FITM2: variants seen among roughly 807,000 people sequenced by gnomAD.
The protein encoded by FITM2 is acyl-coenzyme A diphosphatase FITM2.
In FITM2, 16 loss-of-function variants were observed where a neutral mutation model predicts 23.3. That is an observed-to-expected ratio of 0.69 (90% CI 0.47 to 1.05). The LOEUF (loss-of-function observed/expected upper bound fraction) is 1.05, where lower values mean the gene tolerates loss of function less well. Among genes scored for constraint, FITM2 ranks in the 50% least tolerant of loss-of-function variants. The pLI, the probability that FITM2 is intolerant of heterozygous loss-of-function variation, is 0.00. For missense variants in FITM2, 273 were observed against 327.5 expected, an observed-to-expected ratio of 0.83 and a Z score of 1.29; for synonymous variants, 132 against 142.0, an observed-to-expected ratio of 0.93 and a Z score of 0.50.
chr20:44,306,469 CTA>C lies in FITM2; in HGVS notation c.*154_*155del. ...GATGTCGCCAAGAATAGTCTGAAGA[CTA>C]AACTCACTCCCCAGACTTCAGCACC... On this transcript the variant is annotated 3_prime_UTR_variant, in exon 2 of 2. Coordinates refer to ENST00000396825, the MANE Select transcript of FITM2 (RefSeq NM_001080472.4). 1.0e-6 allele frequency: 1 copy of C among 965,266 alleles called. No individual in the cohort carries two copies. The highest frequency in any genetic ancestry group is 1.5e-6 in the Non-Finnish European group (1 of 670,950). The allele number at this position is 965,266 out of a possible 1,614,324, so 59.8% of individuals were successfully genotyped here.
Position 44,306,495 on chromosome 20 carries a change from C to A in FITM2, c.*130G>T. 1 of 1,299,888 alleles carries A rather than the reference C, an allele frequency of 7.7e-7. No individual in the cohort carries two copies. Among genetic ancestry groups the A allele is most frequent in the Non-Finnish European group, 1.0e-6 (1 of 957,864 alleles). 80.5% of individuals were successfully genotyped at this position (1,299,888 alleles called of 1,614,324 possible). ...TAAACTCACTCCCCAGACTTCAGCA[C>A]CACCCACCAAAACTGCCTGGTACAC... On this transcript the variant is annotated 3_prime_UTR_variant, in exon 2 of 2. Transcript: ENST00000396825.
At position 44,306,810 on chromosome 20, in the gene FITM2, AG is replaced by A. The variant is rs750110262; in HGVS notation, c.603del (p.Trp202GlyfsTer3). On this transcript the variant is annotated frameshift_variant, in exon 2 of 2. Coordinates refer to ENST00000396825, the MANE Select transcript of FITM2 (RefSeq NM_001080472.4). LOFTEE classifies it high-confidence loss of function. ...LVVALGILTF[I>X]WVLMFLCTAV... is the part of the protein sequence containing the mutation. ...GCTGTGCACAGAAACATCAACACCC[AG>A]ATGAAAGTCAGAATGCCCAGGGCCA... The A allele has an allele frequency of 6.2e-7, 1 of 1,614,194 alleles. No individual in the cohort carries two copies. Among genetic ancestry groups the A allele is most frequent in the East Asian group, 2.2e-5 (1 of 44,882 alleles).
chr20:44,308,773 C>A (rs912271860), intron 1 of FITM2, among the ~76,000 whole-genome samples: 4 of 151,928 alleles, frequency 2.6e-5, no homozygotes, highest in Admixed American at 6.6e-5. Context: ...GAACTCCAGG[C>A]CTCAAGCAAT....
In FITM2 at chr20:44,304,776, C is replaced by T. The variant is rs1345040076; in HGVS notation, c.*1849G>A. 1 of 152,258 alleles carries T rather than the reference C, an allele frequency of 6.6e-6. No homozygotes were observed. The allele number at this position is 152,258 out of a possible 1,614,324, so 9.4% of individuals were successfully genotyped here. A position where few individuals can be genotyped will look rare whatever the true frequency, so the allele number is the denominator to read the frequency against. ...CCTGAAGCACACTGTTCAGTCTATA[C>T]CACTGATATGTGGTCAGGGACATTT... is the stretch of plus-strand genomic sequence containing the variant. On this transcript the variant is annotated 3_prime_UTR_variant, in exon 2 of 2. Coordinates refer to ENST00000396825, the MANE Select transcript of FITM2 (RefSeq NM_001080472.4).
chr20:44,311,015 G>A lies in FITM2; in HGVS notation c.134C>T (p.Pro45Leu). The A allele has an allele frequency of 6.4e-7, 1 of 1,574,358 alleles. No homozygotes were observed. ...GSLLKELSPL[P>L]ESYLSNKRNV... ...GCGCTTGTTGCTGAGGTAGCTCTCG[G>A]GCAACGGGGACAACTCCTTGAGGAG... The change falls in exon 1 of 2, where the codon CCC becomes CTC. Residue 45 changes from proline to leucine, a missense_variant. Transcript: ENST00000396825.
chr20:44,307,689 G>A (rs1289402572), intron 1 of FITM2, among the ~76,000 whole-genome samples: 1 of 151,870 alleles, frequency 6.6e-6, no homozygotes, highest in Non-Finnish European at 1.5e-5. Context: ...GCCTCCCAAA[G>A]TCCTGGGATT....
chr20:44,304,049 A>G lies in FITM2; in HGVS notation c.*2576T>C, dbSNP rs2062683655. On this transcript the variant is annotated 3_prime_UTR_variant, in exon 2 of 2. Transcript: ENST00000396825. Reference sequence around the variant, plus strand: ...CCAAAGCACCATGGTGCCACCTCCCATATCTCATCACCTGTGTTTCTGCTC... The same window carrying G: ...CCAAAGCACCATGGTGCCACCTCCCGTATCTCATCACCTGTGTTTCTGCTC... 1 of 152,142 alleles carries G rather than the reference A, an allele frequency of 6.6e-6. No homozygotes were observed. The highest frequency in any genetic ancestry group is 1.5e-5 in the Non-Finnish European group (1 of 68,026). 9.4% of individuals were successfully genotyped at this position (152,142 alleles called of 1,614,324 possible).
At position 44,304,403 on chromosome 20, in the gene FITM2, T is replaced by C. The variant is rs6103704; in HGVS notation, c.*2222A>G. The C allele has an allele frequency of 7.9e-5, 12 of 152,016 alleles. No homozygotes were observed. Among genetic ancestry groups the C allele is most frequent in the Non-Finnish European group, 8.8e-5 (6 of 68,008 alleles). 9.4% of individuals were successfully genotyped at this position (152,016 alleles called of 1,614,324 possible). A position where few individuals can be genotyped will look rare whatever the true frequency, so the allele number is the denominator to read the frequency against. ...GGGCGTGGAACTGTGCCTTTGTGGA[T>C]GGAGGTGACAGGATTTCTAACCCTT... On this transcript the variant is annotated 3_prime_UTR_variant, in exon 2 of 2. Coordinates refer to ENST00000396825, the MANE Select transcript of FITM2 (RefSeq NM_001080472.4).
intron 1 of FITM2, among the ~76,000 whole-genome samples, chr20:44,308,640 A>G (rs960691208): frequency 6.6e-6 from 1 of 152,110 alleles, no homozygotes; most frequent in African/African-American, 2.4e-5. Flanking sequence ...GGCTCAAGCA[A>G]TCCTCCTGCC....
intron 1 of FITM2, 136 bp from the exon 2 acceptor site, chr20:44,307,376 T>A: frequency 1.0e-6 from 1 of 987,518 alleles, no homozygotes; most frequent in East Asian, 2.6e-5. Context: ...GCAACTATCA[T>A]GTTTTAGGTA....
rs1243389808 is a variant in FITM2 at position 44,311,163 on chromosome 20, G to A, written c.-15C>T. The A allele has an allele frequency of 7.5e-6, 12 of 1,607,382 alleles. No homozygotes were observed. Among genetic ancestry groups the A allele is most frequent in the Middle Eastern group, 1.7e-4 (1 of 6,052 alleles). On this transcript the variant is annotated 5_prime_UTR_variant, in exon 1 of 2. Transcript: ENST00000396825. ...AGATGCTCCATGCCGGATCTCGTCA[G>A]CCACCGTCCTCCTCTCCGTGCCCTC...
chr20:44,308,874 A>C (rs1461707239), intron 1 of FITM2, among the ~76,000 whole-genome samples: 1 of 152,048 alleles, frequency 6.6e-6, no homozygotes, highest in East Asian at 1.9e-4. Context: ...ACAGTCTTAC[A>C]ACAATGAGCT....
chr20:44,307,084 G>T lies in FITM2; in HGVS notation c.330C>A (p.Ile110=). The change falls in exon 2 of 2, where the codon ATC becomes ATA. Residue 110 remains isoleucine (I), a synonymous_variant. Transcript: ENST00000396825. ...CCGTGTAGTGTTCGATGTTGGAGAA[G>T]ATGGAGGTGCAGATGTACCAGATGG... ...GTAIWYICTS[I]FSNIEHYTGS... is the part of the protein sequence containing the mutation. 6.2e-7 allele frequency: 1 copy of T among 1,614,226 alleles called. No individual in the cohort carries two copies. The highest frequency in any genetic ancestry group is 8.5e-7 in the Non-Finnish European group (1 of 1,180,036).
chr20:44,309,200 G>A (rs1220583035), intron 1 of FITM2, among the ~76,000 whole-genome samples: 3 of 151,670 alleles, frequency 2.0e-5, no homozygotes, highest in South Asian at 4.2e-4. Context: ...TTTATTTTGA[G>A]ACAAAGTCTC....
rs1050324211 is a variant in FITM2, at chr20:44,306,087, C to T, written c.*538G>A. On this transcript the variant is annotated 3_prime_UTR_variant, in exon 2 of 2. Coordinates refer to ENST00000396825, the MANE Select transcript of FITM2 (RefSeq NM_001080472.4). ...TTGTATTTTTAGAAGAGACGAGGTT[C>T]GCCATGTTGGACAGGCTGGTCTCGA... 3.2e-5 allele frequency: 5 copies of T among 157,978 alleles called. No individual in the cohort carries two copies. Among genetic ancestry groups the T allele is most frequent in the African/African-American group, 7.2e-5 (3 of 41,428 alleles). The allele number at this position is 157,978 out of a possible 1,614,324, so 9.8% of individuals were successfully genotyped here. A position where few individuals can be genotyped will look rare whatever the true frequency, so the allele number is the denominator to read the frequency against.
chr20:44,308,725 T>A (rs2062697230), intron 1 of FITM2, among the ~76,000 whole-genome samples: 1 of 151,900 alleles, frequency 6.6e-6, no homozygotes, highest in Non-Finnish European at 1.5e-5. Flanking sequence ...ATTATTTTTG[T>A]GGAGATGGGG....
intron 1 of FITM2, among the ~76,000 whole-genome samples, chr20:44,310,200 G>C (rs1239171955): frequency 2.0e-5 from 3 of 152,198 alleles, no homozygotes; most frequent in African/African-American, 7.2e-5. Flanking sequence ...CACATCAAGG[G>C]AGCAGTTTTA....
rs1193451328 is a variant in FITM2 at position 44,302,855 on chromosome 20, TCA to T, written c.*3768_*3769del. Reference sequence around the variant, plus strand: ...TGCTGAAATATGGGATTTCATTATCTCAGTTTACTTTAATTTGCTTGTTTACA... The same window carrying T: ...TGCTGAAATATGGGATTTCATTATCTGTTTACTTTAATTTGCTTGTTTACA... On this transcript the variant is annotated 3_prime_UTR_variant, in exon 2 of 2. Transcript: ENST00000396825. 6.6e-6 allele frequency: 1 copy of T among 152,218 alleles called. No homozygotes were observed. The highest frequency in any genetic ancestry group is 2.4e-5 in the African/African-American group (1 of 41,454). 9.4% of individuals were successfully genotyped at this position (152,218 alleles called of 1,614,324 possible).
At chr20:44,309,148 C>T (rs1360718049) in intron 1 of FITM2, among the ~76,000 whole-genome samples, 2 of 151,914 alleles carry the variant, frequency 1.3e-5, no homozygotes, top group African/African-American at 4.8e-5. Flanking sequence ...GCACCTACCA[C>T]CACACTCGGC....
Sources: allele counts gnomAD v4.1 joint callset (sites outside exome capture counted in the v4.1 genomes callset), GRCh38; gene constraint gnomAD v4.1.1; transcripts MANE v1.5; gene names NCBI Gene and HGNC (gene_info 2026-07-23, HGNC 2026-07-21).